Variants in MED13L observed in about 807,000 individuals in gnomAD.
The protein encoded by MED13L is mediator complex subunit 13L.
A neutral mutation model predicts 220.9 loss-of-function variants in MED13L; 7 were observed. The ratio of observed to expected loss-of-function variants is 0.03; its 90% CI spans 0.02 to 0.06. MED13L has a LOEUF of 0.06. MED13L is among the 10% of genes least tolerant of loss of function. The pLI, the probability that MED13L is intolerant of heterozygous loss-of-function variation, is 1.00. For synonymous variants in MED13L, 1,011 were observed against 1,015.2 expected (o/e 1.00, Z 0.08); for missense variants, 1,965 against 2,760.5 (o/e 0.71, Z 6.46).
intron 3 of MED13L, among the ~76,000 whole-genome samples, chr12:116,097,388 C>T (rs1213147649): frequency 6.6e-6 from 1 of 152,156 alleles, no homozygotes; most frequent in Non-Finnish European, 1.5e-5. Context: ...TCAAGTGATC[C>T]ACCCGCCTCA....
At chr12:116,098,518 A>C (rs1260905113) in intron 3 of MED13L, among the ~76,000 whole-genome samples, 8 of 152,160 alleles carry the variant, frequency 5.3e-5, no homozygotes. Context: ...TTTCCACACC[A>C]TCAAAGAGGA....
At chr12:115,977,374 T>C (rs1877009830) in intron 23 of MED13L, among the ~76,000 whole-genome samples, 2 of 152,184 alleles carry the variant, frequency 1.3e-5, no homozygotes, top group African/African-American at 4.8e-5. Context: ...TGAGAAATAT[T>C]CAATGACTTG....
At chr12:116,263,048 CA>C (rs1054134733) in intron 1 of MED13L, among the ~76,000 whole-genome samples, 3 of 152,082 alleles carry the variant, frequency 2.0e-5, no homozygotes, top group Non-Finnish European at 2.9e-5. Flanking sequence ...TCTCAGGAGG[CA>C]AATATTTGTG....
chr12:116,274,991 T>TA (rs11357820), intron 1 of MED13L, among the ~76,000 whole-genome samples: 2,520 of 135,022 alleles, frequency 0.019, 43 homozygotes, highest in East Asian at 0.094. Context: ...ACTTAAGCTT[T>TA]AAAAAAAAAA....
Position 116,096,822 on chromosome 12 carries a change from A to C in MED13L, c.396-70T>G, listed in dbSNP as rs553481480. On this transcript the variant is annotated intron_variant, in intron 3 of 30. Coordinates refer to ENST00000281928, the MANE Select transcript of MED13L (RefSeq NM_015335.5). ...AATTAGTAAGTCGCTGAAGCAATAC[A>C]CCAGATGAGATATATCACCAAAAAT... The C allele has an allele frequency of 1.8e-5, 19 of 1,061,298 alleles. No homozygotes were observed. The African/African-American group carries it at 2.8e-4, about 16-fold the overall frequency. The allele number at this position is 1,061,298 out of a possible 1,614,324, so 65.7% of individuals were successfully genotyped here.
At position 115,982,972 on chromosome 12, in the gene MED13L, G is replaced by A. The variant is rs893887987; in HGVS notation, c.4955+145C>T. 14 of 830,784 alleles carry A rather than the reference G, an allele frequency of 1.7e-5. No homozygotes were observed. The African/African-American group carries it at 2.1e-4, about 12-fold the overall frequency. The allele number at this position is 830,784 out of a possible 1,614,324, so 51.5% of individuals were successfully genotyped here. On this transcript the variant is annotated intron_variant, in intron 21 of 30. Transcript: ENST00000281928. ...ATTTTTAACACTGCAGCTTTAGATC[G>A]ACCATTGCCCCTTTCTTTTGAGAAG...
chr12:116,213,268 GGAA>G (rs1449527205), intron 2 of MED13L, among the ~76,000 whole-genome samples: 3 of 152,092 alleles, frequency 2.0e-5, no homozygotes, highest in African/African-American at 4.8e-5. Flanking sequence ...AAAACAAGAA[GGAA>G]GGAGGGATCT....
intron 2 of MED13L, among the ~76,000 whole-genome samples, chr12:116,131,955 C>G (rs550627937): frequency 6.6e-6 from 1 of 152,148 alleles, no homozygotes; most frequent in South Asian, 2.1e-4. Flanking sequence ...TGCACTCCAA[C>G]CTGGGTGGCA....
intron 9 of MED13L, among the ~76,000 whole-genome samples, chr12:116,009,608 C>A (rs1042265764): frequency 1.3e-5 from 2 of 152,102 alleles, no homozygotes; most frequent in African/African-American, 4.8e-5. Context: ...AACTACTCTG[C>A]CTCAAAGTGT....
chr12:116,101,401 T>A (rs1873054320), intron 3 of MED13L, among the ~76,000 whole-genome samples: 1 of 152,248 alleles, frequency 6.6e-6, no homozygotes, highest in South Asian at 2.1e-4. Flanking sequence ...GAATGCCATA[T>A]ACCAAGGAGT....
intron 20 of MED13L, 33 bp downstream of exon 20, chr12:115,984,147 C>G: frequency 6.2e-7 from 1 of 1,606,904 alleles, no homozygotes; most frequent in South Asian, 1.1e-5. Flanking sequence ...TTTACTTCTC[C>G]AATTCTACTT....
chr12:116,100,188 T>G (rs917090520), intron 3 of MED13L, among the ~76,000 whole-genome samples: 2 of 152,022 alleles, frequency 1.3e-5, no homozygotes, highest in Non-Finnish European at 2.9e-5. Context: ...AGAGAAGGTG[T>G]GCCTTTTCTA....
intron 1 of MED13L, among the ~76,000 whole-genome samples, chr12:116,259,676 CTGTT>C (rs1278272292): frequency 6.6e-6 from 1 of 152,046 alleles, no homozygotes; most frequent in Admixed American, 6.5e-5. Context: ...TACACATGCT[CTGTT>C]TATCTATTCA....
intron 4 of MED13L, among the ~76,000 whole-genome samples, chr12:116,068,590 C>T (rs1388310835): frequency 6.6e-6 from 1 of 152,178 alleles, no homozygotes; most frequent in East Asian, 1.9e-4. Context: ...TTTCTGACCT[C>T]TGCTGCCTCT....
intron 4 of MED13L, among the ~76,000 whole-genome samples, chr12:116,047,559 T>G (rs1382224166): frequency 6.6e-6 from 1 of 152,168 alleles, no homozygotes; most frequent in Non-Finnish European, 1.5e-5. Context: ...AAAATAATGT[T>G]AGTAATTAGA....
rs148852086 is a variant in MED13L, at chr12:116,141,331, T to C, written c.311-29819A>G. ...GTGGCAGCAGCAGTACACTGTATTA[T>C]AATCCTGAAGTTGATTTTTTTCATA... On this transcript the variant is annotated intron_variant, in intron 2 of 30. Coordinates refer to ENST00000281928, the MANE Select transcript of MED13L (RefSeq NM_015335.5). 2.2e-3 allele frequency among the ~76,000 whole-genome samples: 334 copies of C among 152,318 alleles called. 1 individual carries two copies. The highest frequency in any genetic ancestry group is 7.7e-3 in the African/African-American group (319 of 41,578).
At chr12:115,990,852 C>T (rs1302068504) in intron 17 of MED13L, among the ~76,000 whole-genome samples, 168 bp downstream of exon 17, 2 of 152,198 alleles carry the variant, frequency 1.3e-5, no homozygotes, top group Non-Finnish European at 2.9e-5. Context: ...AACATTCTCC[C>T]AGTCCATAAG....
chr12:116,192,142 G>T (rs1399209014), intron 2 of MED13L, among the ~76,000 whole-genome samples: 1 of 152,150 alleles, frequency 6.6e-6, no homozygotes, highest in Non-Finnish European at 1.5e-5. Flanking sequence ...CAACGGAAGG[G>T]TGGTGGCTTT....
At chr12:116,101,716 A>C (rs1873080527) in intron 3 of MED13L, among the ~76,000 whole-genome samples, 1 of 152,248 alleles carries the variant, frequency 6.6e-6, no homozygotes, top group African/African-American at 2.4e-5. Context: ...AGATAATTCT[A>C]AGATATAAAA....
Sources: allele counts gnomAD v4.1 joint callset (sites outside exome capture counted in the v4.1 genomes callset), GRCh38; gene constraint gnomAD v4.1.1; transcripts MANE v1.5; gene names NCBI Gene and HGNC (gene_info 2026-07-23, HGNC 2026-07-21).